Variants in ZFR observed in about 807,000 individuals in gnomAD.
ZFR encodes zinc finger RNA-binding protein.
ZFR carries 19 observed loss-of-function variants against 130.7 expected under a neutral mutation model. That is an observed-to-expected ratio of 0.15 (90% CI 0.10 to 0.21). The LOEUF is 0.21. Among genes scored for constraint, ZFR ranks in the 10% least tolerant of loss-of-function variants. The pLI is 1.00. For missense variants in ZFR, 872 were observed against 1,321.5 expected (o/e 0.66, Z 5.27); for synonymous variants, 466 against 456.9 (o/e 1.02, Z -0.25).
intron 4 of ZFR, 62 bp from the exon 5 acceptor site, chr5:32,415,249 T>G (rs1365878599): frequency 7.5e-7 from 1 of 1,328,460 alleles, no homozygotes; most frequent in African/African-American, 3.1e-5. Flanking sequence ...ACTGTACCAG[T>G]ATCCTTAAAA....
At chr5:32,436,064 T>TCTCCTGG (rs1754324468) in intron 2 of ZFR, among the ~76,000 whole-genome samples, 1 of 151,964 alleles carries the variant, frequency 6.6e-6, no homozygotes, top group Non-Finnish European at 1.5e-5. Flanking sequence ...GACCCTAAAT[T>TCTCCTGG]CTCCTGGCTC....
At chr5:32,393,283 A>C (rs897059108) in intron 11 of ZFR, among the ~76,000 whole-genome samples, 4 of 152,218 alleles carry the variant, frequency 2.6e-5, no homozygotes, top group African/African-American at 9.6e-5. Flanking sequence ...ACCATATTTC[A>C]AAAAATAATT....
chr5:32,415,277 A>G (rs1191549379), intron 4 of ZFR, 90 bp from the exon 5 acceptor site: 7 of 1,142,524 alleles, frequency 6.1e-6, no homozygotes, highest in Non-Finnish European at 8.8e-6. Flanking sequence ...AAGAATAGGT[A>G]CAAACATCAT....
chr5:32,355,639 G>A lies in ZFR; in HGVS notation c.*121C>T. 1.1e-6 allele frequency: 1 copy of A among 914,406 alleles called. No homozygotes were observed. The highest frequency in any genetic ancestry group is 1.6e-6 in the Non-Finnish European group (1 of 640,752). The allele number at this position is 914,406 out of a possible 1,614,324, so 56.6% of individuals were successfully genotyped here. Reference sequence around the variant, plus strand: ...ATTTTTTAATATCATAGAAAAACTTGGTTCTTCCATGAAATCCTTTAAATT... The same window carrying A: ...ATTTTTTAATATCATAGAAAAACTTAGTTCTTCCATGAAATCCTTTAAATT... On this transcript the variant is annotated 3_prime_UTR_variant, in exon 20 of 20. Transcript: ENST00000265069.
At chr5:32,392,933 T>A (rs1753215251) in intron 11 of ZFR, among the ~76,000 whole-genome samples, 3 of 151,920 alleles carry the variant, frequency 2.0e-5, no homozygotes, top group Non-Finnish European at 2.9e-5. Context: ...AGGTGGAGAG[T>A]GCAGTGAGCC....
At chr5:32,424,485 C>T (rs1222077793) in intron 2 of ZFR, among the ~76,000 whole-genome samples, 2 of 150,072 alleles carry the variant, frequency 1.3e-5, no homozygotes, top group Admixed American at 6.7e-5. Context: ...GAGCCGAGAT[C>T]GCGCGCCACT....
chr5:32,408,638 G>A (rs912416000), intron 5 of ZFR, among the ~76,000 whole-genome samples: 1 of 152,186 alleles, frequency 6.6e-6, no homozygotes, highest in Non-Finnish European at 1.5e-5. Context: ...ATTTGGCTGT[G>A]AGCTTGTGTT....
chr5:32,397,790 G>C (rs1182503197), intron 9 of ZFR, among the ~76,000 whole-genome samples: 1 of 148,760 alleles, frequency 6.7e-6, no homozygotes, highest in African/African-American at 2.5e-5. Flanking sequence ...TGTAGAAATG[G>C]GAATGAAAAG....
intron 2 of ZFR, among the ~76,000 whole-genome samples, chr5:32,433,802 C>A (rs575036847): frequency 6.6e-6 from 1 of 152,264 alleles, no homozygotes. Flanking sequence ...AAGAATTCAC[C>A]AGGCACGGTG....
intron 2 of ZFR, among the ~76,000 whole-genome samples, chr5:32,423,553 T>C (rs1275702416): frequency 6.6e-6 from 1 of 151,402 alleles, no homozygotes. Context: ...AGTTGAGAAA[T>C]AGACAAGATA....
At chr5:32,433,030 C>A (rs1754257654) in intron 2 of ZFR, among the ~76,000 whole-genome samples, 1 of 152,128 alleles carries the variant, frequency 6.6e-6, no homozygotes, top group Admixed American at 6.6e-5. Context: ...CTGTGCCCTG[C>A]CGCTTGATTT....
At chr5:32,404,172 ATC>A (rs1431202929) in intron 6 of ZFR, 75 bp from the exon 7 acceptor site, 17 of 1,339,900 alleles carry the variant, frequency 1.3e-5, no homozygotes, top group Non-Finnish European at 1.7e-5. Context: ...TTCTCAAGAA[ATC>A]TCTAATACTC....
At chr5:32,428,079 A>G (rs1754116882) in intron 2 of ZFR, among the ~76,000 whole-genome samples, 1 of 152,252 alleles carries the variant, frequency 6.6e-6, no homozygotes, top group African/African-American at 2.4e-5. Flanking sequence ...TGGATGTGAC[A>G]TCAAAAGCAC....
In ZFR at chr5:32,444,710, C is replaced by G; in HGVS notation, c.-52G>C. On this transcript the variant is annotated 5_prime_UTR_variant, in exon 1 of 20. Coordinates refer to ENST00000265069, the MANE Select transcript of ZFR (RefSeq NM_016107.5). Reference sequence around the variant, plus strand: ...TGAACTCTCACCCGCTGCCTCCCTCCTCTGCCCCGCTCCTCCTCAGCGGAG... The same window carrying G: ...TGAACTCTCACCCGCTGCCTCCCTCGTCTGCCCCGCTCCTCCTCAGCGGAG... The G allele has an allele frequency of 1.3e-6, 2 of 1,497,788 alleles. No individual in the cohort carries two copies. Among genetic ancestry groups the G allele is most frequent in the Non-Finnish European group, 1.8e-6 (2 of 1,123,584 alleles). The allele number at this position is 1,497,788 out of a possible 1,614,324, so 92.8% of individuals were successfully genotyped here.
chr5:32,444,564 G>T, intron 1 of ZFR, 58 bp downstream of exon 1: 2 of 1,437,186 alleles, frequency 1.4e-6, no homozygotes, highest in Non-Finnish European at 1.8e-6. Flanking sequence ...GCGGCTCCCC[G>T]CTGCCCGGGG....
intron 13 of ZFR, 96 bp from the exon 14 acceptor site, chr5:32,387,795 C>T (rs1581690742): frequency 2.4e-6 from 3 of 1,259,960 alleles, no homozygotes; most frequent in East Asian, 2.7e-5. Flanking sequence ...AACTTTTGTG[C>T]CATTAAAATT....
chr5:32,394,965 G>A (rs1207887226), intron 11 of ZFR, among the ~76,000 whole-genome samples, 194 bp downstream of exon 11: 1 of 151,974 alleles, frequency 6.6e-6, no homozygotes, highest in Non-Finnish European at 1.5e-5. Flanking sequence ...TAATACCAAG[G>A]CCACAGTAAA....
At chr5:32,414,740 C>T (rs1423667) in intron 5 of ZFR, among the ~76,000 whole-genome samples, 145,135 of 152,230 alleles carry the variant, frequency 0.95, 69,249 homozygotes, top group African/African-American at 0.98. Context: ...CATAATGAGC[C>T]TTAAAACCCC....
intron 10 of ZFR, among the ~76,000 whole-genome samples, chr5:32,395,553 T>TG (rs1343020176): frequency 6.6e-6 from 1 of 152,140 alleles, no homozygotes; most frequent in Admixed American, 6.5e-5. Context: ...GAAAAACTAA[T>TG]GGATATTTAA....
Sources: allele counts gnomAD v4.1 joint callset (sites outside exome capture counted in the v4.1 genomes callset), GRCh38; gene constraint gnomAD v4.1.1; transcripts MANE v1.5; gene names NCBI Gene and HGNC (gene_info 2026-07-23, HGNC 2026-07-21).